The following CEP72 variants were observed in gnomAD, a reference collection of about 807,000 sequenced individuals.
CEP72 encodes centrosomal protein 72.
CEP72 carries 78 observed loss-of-function variants against 65.7 expected under a neutral mutation model. The ratio of observed to expected loss-of-function variants is 1.19; its 90% confidence interval spans 0.99 to 1.43. CEP72 has a LOEUF of 1.43. CEP72 is among the 40% of genes most tolerant of loss of function. CEP72 has a pLI of 0.00. For missense variants in CEP72, 914 were observed against 832.9 expected (o/e 1.10, Z -1.20); for synonymous variants, 358 against 351.7 (o/e 1.02, Z -0.20).
chr5:651,166 TGACTGTGAGGTGTTACTGTGAGGCGTG>T (rs1561065638), intron 11 of CEP72, among the ~76,000 whole-genome samples: 4 of 59,024 alleles, frequency 6.8e-5, no homozygotes, highest in African/African-American at 3.9e-4. Flanking sequence ...CTGTGAGGTG[TGACTGTGAGGTGTTACTGTGAGGCGTG>T]GACTGTGAGG....
At chr5:659,248 G>A (rs2126846090), downstream of CEP72, among the ~76,000 whole-genome samples, 1 of 152,344 alleles carries the variant, frequency 6.6e-6, no homozygotes, top group South Asian at 2.1e-4. Flanking sequence ...CTCACCTGTG[G>A]GGGTTCCCAA....
In CEP72 at chr5:635,357, A is replaced by G; in HGVS notation, c.692-15A>G. ...CAATGTTTTATGAAATATTTTATTTACAATATTTTAATAGAATCCAGACAT... is the reference window on the plus strand; with the variant it reads ...CAATGTTTTATGAAATATTTTATTTGCAATATTTTAATAGAATCCAGACAT... On this transcript the variant is annotated splice_polypyrimidine_tract_variant and intron_variant, in intron 5 of 11. Coordinates refer to ENST00000264935, the MANE Select transcript of CEP72 (RefSeq NM_018140.4). 2 of 1,523,710 alleles carry G rather than the reference A, an allele frequency of 1.3e-6. No homozygotes were observed. The highest frequency in any genetic ancestry group is 1.2e-5 in the South Asian group (1 of 84,394). The allele number at this position is 1,523,710 out of a possible 1,614,324, so 94.4% of individuals were successfully genotyped here.
At chr5:646,983 C>T (rs1347362698) in intron 10 of CEP72, among the ~76,000 whole-genome samples, 2 of 152,206 alleles carry the variant, frequency 1.3e-5, no homozygotes, top group East Asian at 1.9e-4. Flanking sequence ...TTGGCCAGCA[C>T]GGGGACTGGA....
At chr5:665,096 C>G (rs755485475) in intron 2 of CEP72, 4 of 1,607,450 alleles carry the variant, frequency 2.5e-6, no homozygotes, top group Non-Finnish European at 3.4e-6. Flanking sequence ...AGGCATGGAG[C>G]GGGGGCTACT....
chr5:614,868 TGAGTG>T (rs2126724268), intron 1 of CEP72, among the ~76,000 whole-genome samples: 1 of 152,320 alleles, frequency 6.6e-6, no homozygotes, highest in South Asian at 2.1e-4. Context: ...ATTCTGTTGT[TGAGTG>T]GAGTGTTATG....
At chr5:666,460 G>C (rs930063592) in intron 4 of CEP72, among the ~76,000 whole-genome samples, 2 of 152,208 alleles carry the variant, frequency 1.3e-5, no homozygotes, top group African/African-American at 4.8e-5. Flanking sequence ...CAGCTGCGCC[G>C]GGAGCTGGGG....
At chr5:656,993 A>G (rs1448197786), downstream of CEP72, 8 of 152,324 alleles carry the variant, frequency 5.3e-5, no homozygotes, top group East Asian at 1.3e-3. Context: ...AGTGATGGAG[A>G]TGACCATGAT....
At chr5:641,520 G>C (rs1056767054) in intron 9 of CEP72, 10 of 983,632 alleles carry the variant, frequency 1.0e-5, no homozygotes, top group Non-Finnish European at 1.1e-5. Flanking sequence ...TTCCTCTTTA[G>C]AGAAGAAAAA....
At chr5:628,534 C>T (rs111745464) in intron 4 of CEP72, among the ~76,000 whole-genome samples, 74 of 105,350 alleles carry the variant, frequency 7.0e-4, no homozygotes, top group African/African-American at 1.2e-3. Context: ...TGTGCAGCTT[C>T]TGGAGAACTC....
intron 4 of CEP72, among the ~76,000 whole-genome samples, chr5:626,341 C>T (rs1234070228): frequency 6.6e-6 from 1 of 152,256 alleles, no homozygotes; most frequent in East Asian, 1.9e-4. Flanking sequence ...GTTTCCAGCG[C>T]AGCCTTGCGC....
chr5:635,363 T>TCCAGAA lies in CEP72; in HGVS notation c.692-9_692-8insCCAGAA. On this transcript the variant is annotated splice_polypyrimidine_tract_variant and intron_variant, in intron 5 of 11. Coordinates refer to ENST00000264935, the MANE Select transcript of CEP72 (RefSeq NM_018140.4). ...TTTATGAAATATTTTATTTACAATA[T>TCCAGAA]TTTAATAGAATCCAGACATCTGTTG... 6.4e-7 allele frequency: 1 copy of TCCAGAA among 1,565,598 alleles called. No homozygotes were observed. The highest frequency in any genetic ancestry group is 1.1e-5 in the South Asian group (1 of 87,254).
intron 10 of CEP72, among the ~76,000 whole-genome samples, chr5:646,823 C>A (rs373555978): frequency 6.6e-6 from 1 of 152,226 alleles, no homozygotes; most frequent in Non-Finnish European, 1.5e-5. Flanking sequence ...ACGGCTGCCT[C>A]ACTCCCGCAG....
downstream of CEP72, among the ~76,000 whole-genome samples, chr5:658,453 A>G (rs921939696): frequency 6.6e-6 from 1 of 152,172 alleles, no homozygotes; most frequent in African/African-American, 2.4e-5. Flanking sequence ...ATTCTTGGCC[A>G]TTCTTCATAT....
At chr5:629,367 A>G (rs536529782) in intron 4 of CEP72, among the ~76,000 whole-genome samples, 1 of 152,292 alleles carries the variant, frequency 6.6e-6, no homozygotes, top group African/African-American at 2.4e-5. Flanking sequence ...AGAATCTTCC[A>G]GAACTTTAAT....
At position 620,167 on chromosome 5, in the gene CEP72, C is replaced by G; in HGVS notation, c.309C>G (p.Leu103=). The G allele has an allele frequency of 6.2e-7, 1 of 1,614,186 alleles. No individual in the cohort carries two copies. The highest frequency in any genetic ancestry group is 8.5e-7 in the Non-Finnish European group (1 of 1,180,034). Reference sequence around the variant, plus strand: ...TTCGGCTCCACGCCTTAACCGAGCTCGTGGATGTGGACTTCCGGCTGAACC... The same window carrying G: ...TTCGGCTCCACGCCTTAACCGAGCTGGTGGATGTGGACTTCCGGCTGAACC... The part of the protein sequence containing the change: ...EVFRLHALTE[L]VDVDFRLNPV... Residue 103 remains leucine (L), a synonymous_variant, in exon 3 of 12, where the codon CTC becomes CTG. Coordinates refer to ENST00000264935, the MANE Select transcript of CEP72 (RefSeq NM_018140.4).
rs866894844 is a variant in CEP72, at chr5:645,691, T to C, written c.1666+1266T>C. On this transcript the variant is annotated intron_variant, in intron 10 of 11. Coordinates refer to ENST00000264935, the MANE Select transcript of CEP72 (RefSeq NM_018140.4). The surrounding 1 kb of genome is among the most constrained non-coding windows in gnomAD (Gnocchi z 4.0). ...GTACCCGCTCCACGCCCTGAGCTGC[T>C]GGGATAGGCTGCAGCCACCTCTGCC... 1.1e-4 allele frequency among the ~76,000 whole-genome samples: 16 copies of C among 152,362 alleles called. No homozygotes were observed. The highest frequency in any genetic ancestry group is 3.4e-3 in the Middle Eastern group (1 of 294).
chr5:634,611 G>A (rs1176750097), intron 5 of CEP72, among the ~76,000 whole-genome samples: 2 of 152,168 alleles, frequency 1.3e-5, no homozygotes, highest in African/African-American at 4.8e-5. Context: ...GGGGGTTGTG[G>A]TCTGTGTTTA....
chr5:642,874 C>T (rs1580001312), intron 9 of CEP72: 3 of 985,482 alleles, frequency 3.0e-6, no homozygotes, highest in Non-Finnish European at 2.4e-6. Context: ...CGTGAGGACG[C>T]TCATCCCTCG....
chr5:612,591 C>G, intron 1 of CEP72, 148 bp downstream of exon 1: 2 of 1,224,694 alleles, frequency 1.6e-6, no homozygotes, highest in East Asian at 3.5e-5. Flanking sequence ...GAGCGGGGCG[C>G]GCGTGTCCAG....
Sources: allele counts gnomAD v4.1 joint callset (sites outside exome capture counted in the v4.1 genomes callset), GRCh38; gene constraint gnomAD v4.1.1; non-coding constraint Gnocchi (gnomAD v3.1); transcripts MANE v1.5; gene names NCBI Gene and HGNC (gene_info 2026-07-23, HGNC 2026-07-21).